ROBO2: variants seen among roughly 807,000 people sequenced by gnomAD.
ROBO2 encodes roundabout homolog 2.
ROBO2 carries 53 observed loss-of-function variants against 160.8 expected under a neutral mutation model. The observed-to-expected ratio is 0.33, with a 90% confidence interval of 0.26 to 0.41. The LOEUF (loss-of-function observed/expected upper bound fraction) is 0.41. Ranked by LOEUF, ROBO2 falls within the 10% of genes least tolerant of loss-of-function variation. ROBO2 has a pLI of 1.00. For missense variants in ROBO2, 1,577 were observed against 1,722.4 expected (o/e 0.92, Z 1.49); for synonymous variants, 664 against 611.7 (o/e 1.09, Z -1.26).
intron 2 of ROBO2, among the ~76,000 whole-genome samples, chr3:76,845,215 T>A (rs2068664043): frequency 6.6e-6 from 1 of 151,996 alleles, no homozygotes; most frequent in Non-Finnish European, 1.5e-5. Flanking sequence ...GTCTCGTCAA[T>A]TTTTGGTTAA....
intron 2 of ROBO2, among the ~76,000 whole-genome samples, chr3:76,457,336 C>G (rs527251314): frequency 1.3e-5 from 2 of 152,168 alleles, no homozygotes; most frequent in Non-Finnish European, 2.9e-5. Flanking sequence ...CACGCAAGTC[C>G]GAAATCCAGC....
chr3:76,938,424 G>C (rs538157064), intron 2 of ROBO2, among the ~76,000 whole-genome samples: 1 of 148,678 alleles, frequency 6.7e-6, no homozygotes, highest in Middle Eastern at 3.7e-3. Flanking sequence ...ACACTGGCCT[G>C]CTTCCCTCTT....
intron 1 of ROBO2, among the ~76,000 whole-genome samples, chr3:75,925,253 C>T (rs564734827): frequency 1.3e-5 from 2 of 151,792 alleles, no homozygotes; most frequent in African/African-American, 2.4e-5. Context: ...ACTAGGCAGA[C>T]GTGGTGGCTG....
intron 2 of ROBO2, among the ~76,000 whole-genome samples, chr3:76,802,584 C>A (rs897736921): frequency 1.3e-5 from 2 of 152,012 alleles, no homozygotes; most frequent in Non-Finnish European, 2.9e-5. Flanking sequence ...GAAAAATTAG[C>A]CGGGCGTGGT....
At chr3:77,503,544 T>G (rs2087972840) in intron 5 of ROBO2, among the ~76,000 whole-genome samples, 1 of 149,312 alleles carries the variant, frequency 6.7e-6, no homozygotes, top group Admixed American at 6.7e-5. Context: ...AATAAATAAA[T>G]AAATAAATAA....
chr3:77,445,921 G>A (rs1398556943), intron 2 of ROBO2, among the ~76,000 whole-genome samples: 5 of 150,694 alleles, frequency 3.3e-5, no homozygotes, highest in Admixed American at 6.7e-5. Context: ...AGGATGACAC[G>A]TAGTAATTGG....
At chr3:76,888,660 G>A (rs1294535758) in intron 2 of ROBO2, among the ~76,000 whole-genome samples, 1 of 152,084 alleles carries the variant, frequency 6.6e-6, no homozygotes, top group Non-Finnish European at 1.5e-5. Context: ...TGACATCGTA[G>A]TCTTTACCAT....
intron 1 of ROBO2, among the ~76,000 whole-genome samples, chr3:77,063,045 T>G (rs556414461): frequency 1.3e-4 from 20 of 152,314 alleles, no homozygotes; most frequent in Non-Finnish European, 1.6e-4. Flanking sequence ...TACAGGCAGC[T>G]AAGGCCTACT....
At chr3:76,281,620 C>T (rs1185639161) in intron 2 of ROBO2, among the ~76,000 whole-genome samples, 1 of 85,646 alleles carries the variant, frequency 1.2e-5, no homozygotes, top group Non-Finnish European at 2.3e-5. Context: ...TCTTACATCA[C>T]TTCCCTTTGC....
chr3:77,176,356 C>T (rs2080155414), intron 2 of ROBO2, among the ~76,000 whole-genome samples: 1 of 151,924 alleles, frequency 6.6e-6, no homozygotes, highest in African/African-American at 2.4e-5. Context: ...ACGGATTTTT[C>T]CCTTTCGGTG....
chr3:76,484,616 G>A (rs1328743284), intron 2 of ROBO2, among the ~76,000 whole-genome samples: 5 of 152,114 alleles, frequency 3.3e-5, no homozygotes, highest in Admixed American at 1.3e-4. Flanking sequence ...AAGCTTGAAC[G>A]TAATTACCTC....
intron 2 of ROBO2, among the ~76,000 whole-genome samples, chr3:76,079,242 G>C (rs1325541417): frequency 6.6e-6 from 1 of 152,048 alleles, no homozygotes; most frequent in African/African-American, 2.4e-5. Flanking sequence ...TCACAATAAG[G>C]TAACCATAGG....
At chr3:76,450,565 C>T (rs749387613) in intron 2 of ROBO2, among the ~76,000 whole-genome samples, 1 of 152,136 alleles carries the variant, frequency 6.6e-6, no homozygotes, top group Non-Finnish European at 1.5e-5. Flanking sequence ...ATGCTCCAGC[C>T]TCATCCTCTT....
intron 2 of ROBO2, among the ~76,000 whole-genome samples, chr3:76,052,230 C>G (rs1435661505): frequency 6.6e-6 from 1 of 152,010 alleles, no homozygotes; most frequent in Non-Finnish European, 1.5e-5. Flanking sequence ...GCTGCCAATT[C>G]TGTTTAAAAT....
At chr3:75,956,271 T>C (rs1225534307) in intron 2 of ROBO2, among the ~76,000 whole-genome samples, 1 of 151,790 alleles carries the variant, frequency 6.6e-6, no homozygotes, top group African/African-American at 2.4e-5. Context: ...AGTACAACTA[T>C]GTACTCTGTG....
chr3:77,420,298 T>C (rs1324501630), intron 2 of ROBO2, among the ~76,000 whole-genome samples: 2 of 152,072 alleles, frequency 1.3e-5, no homozygotes, highest in East Asian at 3.9e-4. Flanking sequence ...GGAAAAGCCA[T>C]GACCTATTTG....
chr3:75,935,886 T>C (rs1428446990), intron 1 of ROBO2, among the ~76,000 whole-genome samples: 6 of 152,176 alleles, frequency 3.9e-5, no homozygotes, highest in Non-Finnish European at 8.8e-5. Context: ...AGAGTACCCA[T>C]AACCTGATGA....
intron 2 of ROBO2, among the ~76,000 whole-genome samples, chr3:76,035,599 AG>A (rs1315745588): frequency 6.6e-6 from 1 of 152,056 alleles, no homozygotes; most frequent in Non-Finnish European, 1.5e-5. Context: ...AAGTCTGTTA[AG>A]ACATAATGTT....
chr3:76,104,837 C>T (rs1233691428), intron 2 of ROBO2, among the ~76,000 whole-genome samples: 1 of 152,162 alleles, frequency 6.6e-6, no homozygotes, highest in Non-Finnish European at 1.5e-5. Flanking sequence ...AGGAATGACA[C>T]TTGAATCTTA....
Sources: gnomAD v4.1 joint callset for allele counts (sites outside exome capture counted in the v4.1 genomes callset) on GRCh38, gnomAD v4.1.1 for gene constraint, MANE v1.5 for transcripts, NCBI Gene and HGNC (gene_info 2026-07-23, HGNC 2026-07-21) for gene names.